Variants in GM2A observed in about 807,000 individuals in gnomAD.
The protein encoded by GM2A is ganglioside GM2 activator.
GM2A carries 7 observed loss-of-function variants against 12.9 expected under a neutral mutation model. That is an observed-to-expected ratio of 0.54 (90% CI 0.31 to 1.02). GM2A has a LOEUF of 1.02. Ranked by LOEUF, GM2A falls within the 50% of genes least tolerant of loss-of-function variation. The pLI, the probability that GM2A is intolerant of heterozygous loss-of-function variation, is 0.05. For missense variants in GM2A, 246 were observed against 241.0 expected (o/e 1.02, Z -0.14); for synonymous variants, 101 against 96.0 (o/e 1.05, Z -0.30).
In GM2A at chr5:151,267,403, G is replaced by A. The variant is rs1394120825; in HGVS notation, c.534G>A (p.Gly178=). ...YRIESVLSSS[G]KRLGCIKIAA... is the part of the protein sequence containing the mutation. ...TAGAGAGCGTCCTGAGCAGCAGTGGGAAGCGTCTGGGCTGCATCAAGATCG... is the reference window on the plus strand; with the variant it reads ...TAGAGAGCGTCCTGAGCAGCAGTGGAAAGCGTCTGGGCTGCATCAAGATCG... Residue 178 remains glycine (G), a synonymous_variant, in exon 4 of 4, where the codon GGG becomes GGA. Coordinates refer to ENST00000357164, the MANE Select transcript of GM2A (RefSeq NM_000405.5). 2 of 1,614,182 alleles carry A rather than the reference G, an allele frequency of 1.2e-6. No homozygotes were observed.
In GM2A at chr5:151,268,095, G is replaced by A. The variant is rs890188996; in HGVS notation, c.*644G>A. On this transcript the variant is annotated 3_prime_UTR_variant, in exon 4 of 4. Transcript: ENST00000357164. ...CTCAGGTACCCGCAGGGCCTAGCAAGAGACTTAAATGACTGATAAGAACCG... is the reference window on the plus strand; with the variant it reads ...CTCAGGTACCCGCAGGGCCTAGCAAAAGACTTAAATGACTGATAAGAACCG... 11 of 992,478 alleles carry A rather than the reference G, an allele frequency of 1.1e-5. No homozygotes were observed. Among genetic ancestry groups the A allele is most frequent in the Middle Eastern group, 5.2e-4 (1 of 1,940 alleles). The allele number at this position is 992,478 out of a possible 1,614,324, so 61.5% of individuals were successfully genotyped here.
intron 2 of GM2A, among the ~76,000 whole-genome samples, chr5:151,265,014 C>T (rs1331702041): frequency 1.3e-5 from 2 of 151,568 alleles, no homozygotes; most frequent in African/African-American, 2.4e-5. Flanking sequence ...GGAATGGCCA[C>T]TGAGAGAGAT....
chr5:151,258,676 C>T (rs1753738658), intron 1 of GM2A, among the ~76,000 whole-genome samples: 1 of 152,160 alleles, frequency 6.6e-6, no homozygotes, highest in Non-Finnish European at 1.5e-5. Flanking sequence ...CAGCACAAAA[C>T]CCCCATATCC....
Position 151,253,547 on chromosome 5 carries a change from C to A in GM2A, c.81+250C>A, listed in dbSNP as rs41290575. ...TGCACTCTCCTGCCCTCCCTCCAAG[C>A]GCCGGAGTGAAAATGCAGACAGCCT... is the stretch of plus-strand genomic sequence containing the variant. On this transcript the variant is annotated intron_variant, in intron 1 of 3. Coordinates refer to ENST00000357164, the MANE Select transcript of GM2A (RefSeq NM_000405.5). Among the ~76,000 whole-genome samples the A allele has an allele frequency of 0.07, 10,703 of 152,230 alleles. 369 individuals carry two copies. Among genetic ancestry groups the A allele is most frequent in the Middle Eastern group, 0.15 (43 of 294 alleles).
chr5:151,259,548 A>G (rs920983022), intron 1 of GM2A, among the ~76,000 whole-genome samples: 7 of 152,134 alleles, frequency 4.6e-5, no homozygotes, highest in African/African-American at 1.4e-4. Flanking sequence ...ATGTCTTTTG[A>G]GTCTTTTAGT....
In GM2A at chr5:151,269,624, A is replaced by C. The variant is rs967899128; in HGVS notation, c.*2173A>C. 5.1e-6 allele frequency: 1 copy of C among 197,838 alleles called. No homozygotes were observed. Among genetic ancestry groups the C allele is most frequent in the Non-Finnish European group, 9.1e-6 (1 of 109,842 alleles). 12.3% of individuals were successfully genotyped at this position (197,838 alleles called of 1,614,324 possible). A position where few individuals can be genotyped will look rare whatever the true frequency, so the allele number is the denominator to read the frequency against. On this transcript the variant is annotated 3_prime_UTR_variant, in exon 4 of 4. Transcript: ENST00000357164. ...TTTGGGGAAAATTAAAAGTAATTAG[A>C]CTTTCCTATTATCTAAAGCAGGCAT...
At chr5:151,265,655 G>A (rs576791442) in intron 2 of GM2A, among the ~76,000 whole-genome samples, 141 of 152,274 alleles carry the variant, frequency 9.3e-4, no homozygotes, top group African/African-American at 3.1e-3. Flanking sequence ...ACTGTTCAGC[G>A]CGTGCCCGGC....
intron 3 of GM2A, 169 bp from the exon 4 acceptor site, chr5:151,267,127 C>G: frequency 1.1e-6 from 1 of 917,872 alleles, no homozygotes; most frequent in Non-Finnish European, 1.7e-6. Context: ...GGCCCTTTAT[C>G]CATAATAATC....
Position 151,270,273 on chromosome 5 carries a change from G to T in GM2A, c.*2822G>T. The T allele has an allele frequency of 6.9e-6, 3 of 431,850 alleles. No individual in the cohort carries two copies. The highest frequency in any genetic ancestry group is 1.2e-5 in the Non-Finnish European group (3 of 256,556). 26.8% of individuals were successfully genotyped at this position (431,850 alleles called of 1,614,324 possible). On this transcript the variant is annotated 3_prime_UTR_variant, in exon 4 of 4. Transcript: ENST00000357164. ...CTCCATCTGGATCCAGGATCCAAATGTAAGAAAATGAAGCCATATAAATAC... is the reference window on the plus strand; with the variant it reads ...CTCCATCTGGATCCAGGATCCAAATTTAAGAAAATGAAGCCATATAAATAC...
chr5:151,262,110 C>A (rs1398291186), intron 2 of GM2A, among the ~76,000 whole-genome samples: 2 of 152,156 alleles, frequency 1.3e-5, no homozygotes, highest in Non-Finnish European at 2.9e-5. Context: ...TTGGGAATAA[C>A]CTGTTTGTTT....
intron 1 of GM2A, 54 bp downstream of exon 1, chr5:151,253,351 G>C: frequency 7.4e-7 from 1 of 1,346,300 alleles, no homozygotes; most frequent in Non-Finnish European, 1.1e-6. Flanking sequence ...CCAGCTACGG[G>C]TGTGCGGGTC....
At position 151,268,483 on chromosome 5, in the gene GM2A, C is replaced by G. The variant is rs983307903; in HGVS notation, c.*1032C>G. On this transcript the variant is annotated 3_prime_UTR_variant, in exon 4 of 4. Transcript: ENST00000357164. ...TCCTTTTTGATTAAAGATGCTATTA[C>G]AATGTAAATATTTCTTACACAGAAA... is the stretch of plus-strand genomic sequence containing the variant. 4.1e-6 allele frequency: 4 copies of G among 985,248 alleles called. No individual in the cohort carries two copies. In the African/African-American group the frequency reaches 7.0e-5, roughly 17 times the overall value. 61.0% of individuals were successfully genotyped at this position (985,248 alleles called of 1,614,324 possible).
chr5:151,266,942 C>T (rs1402148693), intron 3 of GM2A, 29 bp downstream of exon 3: 8 of 1,550,934 alleles, frequency 5.2e-6, no homozygotes, highest in Non-Finnish European at 6.2e-6. Context: ...GAGAGCGTTA[C>T]CCCTGTGGCT....
Position 151,270,111 on chromosome 5 carries a change from T to C in GM2A, c.*2660T>C. 8.1e-7 allele frequency: 1 copy of C among 1,231,218 alleles called. No homozygotes were observed. The highest frequency in any genetic ancestry group is 1.0e-6 in the Non-Finnish European group (1 of 987,828). The allele number at this position is 1,231,218 out of a possible 1,614,324, so 76.3% of individuals were successfully genotyped here. A position where few individuals can be genotyped will look rare whatever the true frequency, so the allele number is the denominator to read the frequency against. Reference sequence around the variant, plus strand: ...TATGTTCCGTGAGGTTTCTTAGGGGTGGGGGATGAGGAGTTAAAGGTGGCA... The same window carrying C: ...TATGTTCCGTGAGGTTTCTTAGGGGCGGGGGATGAGGAGTTAAAGGTGGCA... On this transcript the variant is annotated 3_prime_UTR_variant, in exon 4 of 4. Transcript: ENST00000357164.
chr5:151,265,693 G>A (rs1161994702), intron 2 of GM2A, among the ~76,000 whole-genome samples: 1 of 152,118 alleles, frequency 6.6e-6, no homozygotes, highest in Non-Finnish European at 1.5e-5. Context: ...CATGAAATTT[G>A]GGCCACTTCC....
At chr5:151,257,123 C>T (rs1753704643) in intron 1 of GM2A, among the ~76,000 whole-genome samples, 1 of 152,156 alleles carries the variant, frequency 6.6e-6, no homozygotes. Flanking sequence ...ATCTCTGCCT[C>T]CAGAGCTGTG....
At position 151,267,966 on chromosome 5, in the gene GM2A, G is replaced by A. The variant is rs1167071703; in HGVS notation, c.*515G>A. On this transcript the variant is annotated 3_prime_UTR_variant, in exon 4 of 4. Coordinates refer to ENST00000357164, the MANE Select transcript of GM2A (RefSeq NM_000405.5). ...GTGACTAATTTTTATTTCCTTTCTA[G>A]ATTTGCCCAATTAATACTAGGGTGC... 3 of 1,120,324 alleles carry A rather than the reference G, an allele frequency of 2.7e-6. No homozygotes were observed. In the East Asian group the frequency reaches 2.1e-4, roughly 77 times the overall value. 69.4% of individuals were successfully genotyped at this position (1,120,324 alleles called of 1,614,324 possible). A position where few individuals can be genotyped will look rare whatever the true frequency, so the allele number is the denominator to read the frequency against.
chr5:151,253,269 C>T lies in GM2A; in HGVS notation c.53C>T (p.Ala18Val), dbSNP rs1753622570. Residue 18 changes from alanine to valine, a missense_variant, in exon 1 of 4, where the codon GCG (alanine) becomes GTG (valine). Ala to Val is a moderately conservative substitution (Grantham distance 64). Coordinates refer to ENST00000357164, the MANE Select transcript of GM2A (RefSeq NM_000405.5). ...PLLIALGLLL[A>V]APAQAHLKKP... ...CTGATCGCCCTGGGCTTGCTTCTCGCGGCCCCTGCGCAAGCCCACCTGAAA... is the reference window on the plus strand; with the variant it reads ...CTGATCGCCCTGGGCTTGCTTCTCGTGGCCCCTGCGCAAGCCCACCTGAAA... The T allele has an allele frequency of 2.5e-6, 4 of 1,613,544 alleles. No individual in the cohort carries two copies. Among genetic ancestry groups the T allele is most frequent in the Non-Finnish European group, 3.4e-6 (4 of 1,179,708 alleles).
Position 151,266,778 on chromosome 5 carries a change from C to G in GM2A, c.291C>G (p.Ile97Met), listed in dbSNP as rs754125210. Residue 97 changes from isoleucine to methionine, a missense_variant, in exon 3 of 4, where the codon ATC becomes ATG. By Grantham distance (10) the Ile-to-Met change is conservative. Coordinates refer to ENST00000357164, the MANE Select transcript of GM2A (RefSeq NM_000405.5). ...EKEVAGLWIK[I>M]PCTDYIGSCT... ...AGGTGGCTGGCCTCTGGATCAAGATCCCATGCACAGACTACATTGGCAGCT... is the reference window on the plus strand; with the variant it reads ...AGGTGGCTGGCCTCTGGATCAAGATGCCATGCACAGACTACATTGGCAGCT... 1 of 1,613,732 alleles carries G rather than the reference C, an allele frequency of 6.2e-7. No individual in the cohort carries two copies. Among genetic ancestry groups the G allele is most frequent in the Non-Finnish European group, 8.5e-7 (1 of 1,179,640 alleles).
Sources: gnomAD v4.1 joint callset for allele counts (sites outside exome capture counted in the v4.1 genomes callset) on GRCh38, gnomAD v4.1.1 for gene constraint, MANE v1.5 for transcripts, NCBI Gene and HGNC (gene_info 2026-07-23, HGNC 2026-07-21) for gene names.